DYM: variants seen among roughly 807,000 people sequenced by gnomAD.
The protein encoded by DYM is dyggve-Melchior-Clausen syndrome protein.
Under a neutral mutation model 93.1 loss-of-function variants are expected in DYM, and 78 were observed. That is an observed-to-expected ratio of 0.84 (90% CI 0.70 to 1.01). DYM has a LOEUF of 1.01. DYM is among the 50% of genes least tolerant of loss of function. The probability of loss-of-function intolerance (pLI) is 0.00; values close to 1 mark genes in which losing one functional copy is unlikely to be tolerated. For missense variants in DYM, 789 were observed against 845.0 expected (o/e 0.93, Z 0.82); for synonymous variants, 321 against 319.7 (o/e 1.00, Z -0.04).
intron 1 of DYM, among the ~76,000 whole-genome samples, chr18:49,436,277 A>G (rs2080857495): frequency 6.6e-6 from 1 of 152,092 alleles, no homozygotes; most frequent in Non-Finnish European, 1.5e-5. Flanking sequence ...AGGCTTCCCA[A>G]AGCACTGGAA....
At chr18:49,060,645 GA>G (rs1341673882) in intron 17 of DYM, among the ~76,000 whole-genome samples, 3 of 93,758 alleles carry the variant, frequency 3.2e-5, no homozygotes, top group East Asian at 4.1e-4. Context: ...GAGAGGGGGA[GA>G]GGGGGAGAGG....
At chr18:49,071,193 T>C (rs1026208541) in intron 17 of DYM, among the ~76,000 whole-genome samples, 1 of 152,222 alleles carries the variant, frequency 6.6e-6, no homozygotes, top group Non-Finnish European at 1.5e-5. Context: ...AAGACTGATA[T>C]TTATTTAATG....
chr18:49,401,505 G>A (rs2070819533), intron 2 of DYM, among the ~76,000 whole-genome samples: 1 of 152,068 alleles, frequency 6.6e-6, no homozygotes, highest in African/African-American at 2.4e-5. Context: ...GGGTAATTGG[G>A]GCATCCTCAT....
intron 5 of DYM, among the ~76,000 whole-genome samples, chr18:49,369,766 T>G (rs1311774046): frequency 1.3e-5 from 2 of 151,804 alleles, no homozygotes; most frequent in Non-Finnish European, 2.9e-5. Context: ...ATATTGAAAC[T>G]GTTTTGTGCC....
At chr18:49,095,495 C>T (rs1233002985) in intron 17 of DYM, among the ~76,000 whole-genome samples, 4 of 147,228 alleles carry the variant, frequency 2.7e-5, no homozygotes, top group Non-Finnish European at 4.5e-5. Context: ...CATCTTCTAT[C>T]CTTTTGCAAC....
intron 8 of DYM, among the ~76,000 whole-genome samples, chr18:49,322,404 T>G (rs1172948150): frequency 6.6e-6 from 1 of 152,062 alleles, no homozygotes; most frequent in East Asian, 1.9e-4. Context: ...AGAAGAAATT[T>G]CAAAGTCAAC....
At chr18:49,401,010 T>A (rs2070751906) in intron 2 of DYM, among the ~76,000 whole-genome samples, 1 of 152,168 alleles carries the variant, frequency 6.6e-6, no homozygotes, top group Non-Finnish European at 1.5e-5. Context: ...ATATTACAAT[T>A]AGAAACCAAA....
Position 49,339,501 on chromosome 18 carries a change from T to G in DYM, c.495-5648A>C, listed in dbSNP as rs549314612. On this transcript the variant is annotated intron_variant, in intron 6 of 17. Coordinates refer to ENST00000675505, the MANE Select transcript of DYM (RefSeq NM_001353214.3). ...CCAGTTGCCTTGCTGTAGGCTAACA[T>G]ACTGAGAGGTCTACACGGCAAAGAA... Among the ~76,000 whole-genome samples, 17 of 152,224 alleles carry G rather than the reference T, an allele frequency of 1.1e-4. No individual in the cohort carries two copies. The South Asian group carries it at 3.5e-3, about 32-fold the overall frequency.
chr18:49,219,661 G>T (rs924716806), intron 13 of DYM, among the ~76,000 whole-genome samples: 1 of 152,046 alleles, frequency 6.6e-6, no homozygotes, highest in Non-Finnish European at 1.5e-5. Flanking sequence ...AAAACCACAT[G>T]ATTATCTCAA....
Position 49,039,461 on chromosome 18 carries a change from GA to G in DYM, c.*4593del, listed in dbSNP as rs550119978. Among the ~76,000 whole-genome samples the G allele has an allele frequency of 6.6e-6, 1 of 152,086 alleles. No individual in the cohort carries two copies. The highest frequency in any genetic ancestry group is 1.5e-5 in the Non-Finnish European group (1 of 68,020). Reference sequence around the variant, plus strand: ...GGTGTGATATCTTTCATGAGTTTTGGAAAAGTTCTCAGCCATTTGTTTAAAT... The same window carrying G: ...GGTGTGATATCTTTCATGAGTTTTGGAAAGTTCTCAGCCATTTGTTTAAAT... On this transcript the variant is annotated 3_prime_UTR_variant, in exon 18 of 18. Transcript: ENST00000675505.
rs182975569 is a variant in DYM at position 49,039,720 on chromosome 18, T to C, written c.*4335A>G. ...CACTGTTCTTCTCATTACAGTACTTTAGTTATAGAATTTCCAATGCGCCTT... is the reference window on the plus strand; with the variant it reads ...CACTGTTCTTCTCATTACAGTACTTCAGTTATAGAATTTCCAATGCGCCTT... On this transcript the variant is annotated 3_prime_UTR_variant, in exon 18 of 18. Transcript: ENST00000675505. 6.0e-3 allele frequency among the ~76,000 whole-genome samples: 920 copies of C among 152,350 alleles called. 6 individuals are homozygous for C. Among genetic ancestry groups the C allele is most frequent in the Middle Eastern group, 0.014 (4 of 294 alleles).
At chr18:49,407,424 A>G (rs2071629302) in intron 2 of DYM, among the ~76,000 whole-genome samples, 1 of 152,232 alleles carries the variant, frequency 6.6e-6, no homozygotes, top group South Asian at 2.1e-4. Context: ...TGGTTCTTCA[A>G]GCTGTATAAG....
intron 14 of DYM, among the ~76,000 whole-genome samples, chr18:49,205,408 C>T (rs2092421096): frequency 6.6e-6 from 1 of 152,120 alleles, no homozygotes; most frequent in Non-Finnish European, 1.5e-5. Flanking sequence ...TTTTAAAAAT[C>T]ACTCCAGTCT....
intron 10 of DYM, among the ~76,000 whole-genome samples, chr18:49,277,794 G>A (rs2094880971): frequency 6.6e-6 from 1 of 152,182 alleles, no homozygotes; most frequent in Non-Finnish European, 1.5e-5. Context: ...ACCAGTCTAT[G>A]GTATGTTTGT....
In DYM at chr18:49,257,101, T is replaced by C; in HGVS notation, c.1369A>G (p.Lys457Glu). The change falls in exon 13 of 18, where the codon AAG (lysine) becomes GAG (glutamate). Residue 457 changes from lysine (K) to glutamate (E), a missense_variant. Around this residue, in one of 3 missense-constraint regions of DYM, gnomAD observed 225 missense variants for 303.0 expected, o/e 0.74. Transcript: ENST00000675505. ...IQYNMTRTRD[K>E]YLHTNCLAAL... ...GCCAAACAATTTGTGTGAAGGTACT[T>C]GTCCTGTGAGGAAACAGCGGGTGTA... is the stretch of plus-strand genomic sequence containing the variant. 1 of 1,613,496 alleles carries C rather than the reference T, an allele frequency of 6.2e-7. No individual in the cohort carries two copies. The highest frequency in any genetic ancestry group is 1.3e-5 in the African/African-American group (1 of 75,034).
intron 11 of DYM, 69 bp downstream of exon 11, chr18:49,272,109 T>C (rs1284054293): frequency 5.8e-6 from 8 of 1,378,128 alleles, no homozygotes; most frequent in East Asian, 4.7e-5. Context: ...ATGTAAAGAC[T>C]AGTAAATCTT....
intron 11 of DYM, among the ~76,000 whole-genome samples, chr18:49,266,489 C>T (rs1421710241): frequency 6.6e-6 from 1 of 152,038 alleles, no homozygotes; most frequent in African/African-American, 2.4e-5. Flanking sequence ...CATGCACCTG[C>T]AGTCCCAGCT....
At chr18:49,212,419 G>GTAAA (rs2092824855) in intron 13 of DYM, among the ~76,000 whole-genome samples, 1 of 151,946 alleles carries the variant, frequency 6.6e-6, no homozygotes, top group Non-Finnish European at 1.5e-5. Context: ...AAACACAATA[G>GTAAA]TAAAGCAAAT....
chr18:49,154,743 G>T (rs1249780995), intron 15 of DYM, among the ~76,000 whole-genome samples: 3 of 151,982 alleles, frequency 2.0e-5, no homozygotes, highest in African/African-American at 7.3e-5. Context: ...CTTAATGGAG[G>T]AATGGAGGGA....
Sources: allele counts gnomAD v4.1 joint callset (sites outside exome capture counted in the v4.1 genomes callset), GRCh38; gene constraint gnomAD v4.1.1; regional missense constraint gnomAD v4.1.1; transcripts MANE v1.5; gene names NCBI Gene and HGNC (gene_info 2026-07-23, HGNC 2026-07-21).